The following BRAF variants were observed in gnomAD, a reference collection of about 807,000 sequenced individuals.
BRAF encodes serine/threonine-protein kinase B-raf.
BRAF carries 16 observed loss-of-function variants against 104.6 expected under a neutral mutation model. That is an observed-to-expected ratio of 0.15 (90% CI 0.10 to 0.23). The LOEUF (loss-of-function observed/expected upper bound fraction) is 0.23. BRAF is among the 10% of genes least tolerant of loss of function. The probability of loss-of-function intolerance (pLI) is 1.00; values close to 1 mark genes in which losing one functional copy is unlikely to be tolerated. For synonymous variants in BRAF, 310 were observed against 341.6 expected (o/e 0.91, Z 1.02); for missense variants, 541 against 937.3 (o/e 0.58, Z 5.52).
At chr7:140,880,534 A>G (rs554406742) in intron 1 of BRAF, among the ~76,000 whole-genome samples, 5 of 152,318 alleles carry the variant, frequency 3.3e-5, no homozygotes, top group African/African-American at 1.2e-4. Flanking sequence ...AATCACAAAC[A>G]TTCTTAATGG....
At chr7:140,804,075 T>C (rs540808694) in intron 5 of BRAF, among the ~76,000 whole-genome samples, 8 of 152,166 alleles carry the variant, frequency 5.3e-5, no homozygotes, top group African/African-American at 1.9e-4. Context: ...TTGGTGGAGA[T>C]GGAGTTTCAC....
chr7:140,845,072 T>G (rs1214913121), intron 2 of BRAF, among the ~76,000 whole-genome samples: 1 of 151,562 alleles, frequency 6.6e-6, no homozygotes, highest in South Asian at 2.1e-4. Context: ...GACAGACATA[T>G]AGACCAATGG....
At chr7:140,912,637 C>T (rs781099348) in intron 1 of BRAF, among the ~76,000 whole-genome samples, 6 of 152,190 alleles carry the variant, frequency 3.9e-5, no homozygotes, top group Non-Finnish European at 8.8e-5. Context: ...CAGGATAATT[C>T]CTCACCATCT....
chr7:140,919,688 C>T (rs7785306), intron 1 of BRAF, among the ~76,000 whole-genome samples: 45,607 of 151,904 alleles, frequency 0.3, 10,941 homozygotes, highest in African/African-American at 0.67. Flanking sequence ...ACAAATGAGG[C>T]TATATTTTTC....
At chr7:140,730,780 GCTAAAGACT>G (rs1283167862) in intron 19 of BRAF, 1 of 150,912 alleles carries the variant, frequency 6.6e-6, no homozygotes, top group Non-Finnish European at 1.5e-5. Flanking sequence ...TTATGTGAAA[GCTAAAGACT>G]TTATTAACTA....
At chr7:140,887,110 CAG>C in intron 1 of BRAF, among the ~76,000 whole-genome samples, 1 of 152,306 alleles carries the variant, frequency 6.6e-6, no homozygotes, top group East Asian at 1.9e-4. Flanking sequence ...CATTCCAAAA[CAG>C]AAAGTTTGAA....
intron 1 of BRAF, among the ~76,000 whole-genome samples, chr7:140,866,792 A>G (rs1378837279): frequency 6.6e-6 from 1 of 152,170 alleles, no homozygotes; most frequent in Non-Finnish European, 1.5e-5. Context: ...GATGGTACTT[A>G]TAAGACTCTC....
chr7:140,891,839 C>T (rs1166265608), intron 1 of BRAF, among the ~76,000 whole-genome samples: 1 of 152,034 alleles, frequency 6.6e-6, no homozygotes, highest in Non-Finnish European at 1.5e-5. Context: ...GGAAACAACC[C>T]TGAAAAAATG....
At chr7:140,854,249 A>C (rs776612610) in intron 1 of BRAF, among the ~76,000 whole-genome samples, 2 of 152,214 alleles carry the variant, frequency 1.3e-5, no homozygotes, top group African/African-American at 2.4e-5. Flanking sequence ...CTGTTTTCTA[A>C]GTCATAATTT....
At position 140,924,299 on chromosome 7, in the gene BRAF, T is replaced by C. The variant is rs1399645367; in HGVS notation, c.138+267A>G. 3.3e-5 allele frequency among the ~76,000 whole-genome samples: 5 copies of C among 151,992 alleles called. No individual in the cohort carries two copies. The highest frequency in any genetic ancestry group is 2.1e-4 in the South Asian group (1 of 4,820). On this transcript the variant is annotated intron_variant, in intron 1 of 19. Coordinates refer to ENST00000644969, the MANE Select transcript of BRAF (RefSeq NM_001374258.1). The surrounding 1 kb of genome is among the most constrained non-coding windows in gnomAD (Gnocchi z 4.2). ...AACCCTGAGTTTCGCCCCCTATTGA[T>C]AGCCTCCCGCTCAACCACCGCTGCC...
At chr7:140,786,803 C>A (rs1801405590) in intron 9 of BRAF, among the ~76,000 whole-genome samples, 1 of 152,158 alleles carries the variant, frequency 6.6e-6, no homozygotes, top group South Asian at 2.1e-4. Flanking sequence ...TAAGGTCAAT[C>A]TTTAAGTATC....
chr7:140,893,328 C>T (rs1000495105), intron 1 of BRAF, among the ~76,000 whole-genome samples: 1 of 151,622 alleles, frequency 6.6e-6, no homozygotes, highest in Non-Finnish European at 1.5e-5. Context: ...CAGCTCACTG[C>T]AAGCTCTGCC....
chr7:140,780,847 T>C (rs1402761994), intron 12 of BRAF: 2 of 152,230 alleles, frequency 1.3e-5, no homozygotes, highest in Non-Finnish European at 2.9e-5. Context: ...AAGAGGCAAA[T>C]AATGATGTCT....
intron 12 of BRAF, chr7:140,780,549 C>T (rs1248257405): frequency 6.6e-6 from 1 of 151,960 alleles, no homozygotes; most frequent in East Asian, 1.9e-4. Context: ...GCCTAAAATA[C>T]TGTCATATAA....
intron 19 of BRAF, among the ~76,000 whole-genome samples, chr7:140,727,520 C>A (rs1795672190): frequency 6.6e-6 from 1 of 152,016 alleles, no homozygotes; most frequent in African/African-American, 2.4e-5. Flanking sequence ...TCCATAGTTT[C>A]TACTTGTAAC....
chr7:140,731,509 T>C, intron 19 of BRAF: 1 of 152,220 alleles, frequency 6.6e-6, no homozygotes. Flanking sequence ...TTTCATAATA[T>C]TTTTTAAAAA....
intron 1 of BRAF, among the ~76,000 whole-genome samples, chr7:140,882,846 T>C (rs1813096803): frequency 6.6e-6 from 1 of 151,732 alleles, no homozygotes; most frequent in Admixed American, 6.6e-5. Flanking sequence ...AAATAAAAAT[T>C]AACTGGGCAT....
chr7:140,766,383 T>C (rs1244579931), intron 14 of BRAF, among the ~76,000 whole-genome samples: 1 of 152,008 alleles, frequency 6.6e-6, no homozygotes, highest in Non-Finnish European at 1.5e-5. Flanking sequence ...GGCACATGTA[T>C]ACATATGTTA....
At chr7:140,893,670 CCCACCCGCCACA>C (rs1814535298) in intron 1 of BRAF, among the ~76,000 whole-genome samples, 1 of 151,944 alleles carries the variant, frequency 6.6e-6, no homozygotes, top group African/African-American at 2.4e-5. Flanking sequence ...CGTTAACAAC[CCCACCCGCCACA>C]CCACCAATAA....
Sources: gnomAD v4.1 joint callset for allele counts (sites outside exome capture counted in the v4.1 genomes callset) on GRCh38, gnomAD v4.1.1 for gene constraint, Gnocchi (gnomAD v3.1) non-coding constraint, MANE v1.5 for transcripts, NCBI Gene and HGNC (gene_info 2026-07-23, HGNC 2026-07-21) for gene names.